ARID5B: variants seen among roughly 807,000 people sequenced by gnomAD.
ARID5B encodes the protein AT-rich interaction domain 5B.
A neutral mutation model predicts 97.2 loss-of-function variants in ARID5B; 13 were observed. That is an observed-to-expected ratio of 0.13 (90% CI 0.09 to 0.21). The LOEUF (loss-of-function observed/expected upper bound fraction) is 0.21, where lower values mean the gene tolerates loss of function less well. Among genes scored for constraint, ARID5B ranks in the 10% least tolerant of loss-of-function variants. The pLI, the probability that ARID5B is intolerant of heterozygous loss-of-function variation, is 1.00. For missense variants in ARID5B, 1,210 were observed against 1,465.3 expected (o/e 0.83, Z 2.84); for synonymous variants, 556 against 570.3 (o/e 0.97, Z 0.36).
chr10:62,089,779 C>T (rs749143947), intron 9 of ARID5B, among the ~76,000 whole-genome samples: 3 of 152,174 alleles, frequency 2.0e-5, no homozygotes, highest in African/African-American at 2.4e-5. Flanking sequence ...CTGCCTGCCT[C>T]GGCCTCCCTA....
chr10:61,942,024 G>A (rs1043198055), intron 3 of ARID5B, among the ~76,000 whole-genome samples: 5 of 152,110 alleles, frequency 3.3e-5, no homozygotes, highest in African/African-American at 4.8e-5. Context: ...AATTTTGTGT[G>A]TGTGTGTTAT....
chr10:61,984,296 A>G (rs1315239711), intron 3 of ARID5B, among the ~76,000 whole-genome samples: 5 of 152,232 alleles, frequency 3.3e-5, no homozygotes, highest in Non-Finnish European at 7.3e-5. Flanking sequence ...AGGTGCTGTC[A>G]TGTTCACCCA....
At chr10:61,940,497 T>C (rs1026932963) in intron 3 of ARID5B, 89 bp downstream of exon 3, 2 of 1,070,810 alleles carry the variant, frequency 1.9e-6, no homozygotes, top group Non-Finnish European at 2.7e-6. Flanking sequence ...CTATCATTTA[T>C]ATATAAATGT....
intron 3 of ARID5B, among the ~76,000 whole-genome samples, chr10:61,976,341 A>C (rs1480089564): frequency 2.0e-5 from 3 of 152,252 alleles, no homozygotes; most frequent in African/African-American, 7.2e-5. Flanking sequence ...ACTACATAAC[A>C]GAAGCTATTC....
intron 7 of ARID5B, among the ~76,000 whole-genome samples, chr10:62,064,592 T>C (rs1290534569): frequency 6.6e-6 from 1 of 151,872 alleles, no homozygotes; most frequent in Non-Finnish European, 1.5e-5. Flanking sequence ...ATTTTCCACT[T>C]TTTTTAAGTG....
intron 4 of ARID5B, among the ~76,000 whole-genome samples, chr10:62,043,553 T>TA (rs1385457400): frequency 6.6e-6 from 1 of 152,244 alleles, no homozygotes; most frequent in African/African-American, 2.4e-5. Flanking sequence ...GCTTGTGTTT[T>TA]AATGGCAAGA....
chr10:61,959,500 G>A (rs1245777942), intron 3 of ARID5B, among the ~76,000 whole-genome samples: 1 of 152,090 alleles, frequency 6.6e-6, no homozygotes, highest in Non-Finnish European at 1.5e-5. Context: ...TAAATGTTCT[G>A]CTGGGAAATA....
At chr10:61,989,224 C>T (rs1482774435) in intron 3 of ARID5B, among the ~76,000 whole-genome samples, 7 of 152,042 alleles carry the variant, frequency 4.6e-5, no homozygotes, top group Non-Finnish European at 5.9e-5. Flanking sequence ...CCACCGTGTG[C>T]GGCCAGTAAT....
At chr10:62,040,492 T>G (rs1839622871) in intron 4 of ARID5B, among the ~76,000 whole-genome samples, 1 of 152,186 alleles carries the variant, frequency 6.6e-6, no homozygotes. Flanking sequence ...TTAATCTTGT[T>G]CTGTCTGCTC....
At chr10:61,991,095 C>T (rs1270088697) in intron 3 of ARID5B, among the ~76,000 whole-genome samples, 1 of 146,668 alleles carries the variant, frequency 6.8e-6, no homozygotes, top group Admixed American at 6.8e-5. Context: ...ATCTGTTCAT[C>T]TATTGAGGAA....
intron 7 of ARID5B, among the ~76,000 whole-genome samples, chr10:62,065,380 C>G (rs1839973085): frequency 6.6e-6 from 1 of 152,152 alleles, no homozygotes; most frequent in Non-Finnish European, 1.5e-5. Context: ...CACACTCTAC[C>G]CTCCCTCCCT....
rs1008460214 is a variant in ARID5B, at chr10:62,092,179, A to G, written c.2716A>G (p.Thr906Ala). 3 of 1,609,880 alleles carry G rather than the reference A, an allele frequency of 1.9e-6. No homozygotes were observed. The highest frequency in any genetic ancestry group is 2.2e-5 in the South Asian group (2 of 90,360). Residue 906 changes from threonine to alanine, a missense_variant, in exon 10 of 10, where the codon ACA becomes GCA. Transcript: ENST00000279873. Reference sequence around the variant, plus strand: ...AGAAGCCCCTACGGATGATCAGCCTACAGATCTGAGCCTTCCCAAGAACCC... The same window carrying G: ...AGAAGCCCCTACGGATGATCAGCCTGCAGATCTGAGCCTTCCCAAGAACCC... ...AAEAPTDDQP[T>A]DLSLPKNPHK...
chr10:62,010,300 C>T (rs912427799), intron 4 of ARID5B, among the ~76,000 whole-genome samples: 1 of 152,174 alleles, frequency 6.6e-6, no homozygotes, highest in African/African-American at 2.4e-5. Flanking sequence ...TCATCTTTAA[C>T]ATTTTGCTTC....
At position 62,083,263 on chromosome 10, in the gene ARID5B, T is replaced by C. The variant is rs1252318302; in HGVS notation, c.1200-2439T>C. Reference sequence around the variant, plus strand: ...TTTTTACTGCTGTCAGCCAGCCAGCTGCTGAGTTGAGTGAAGGGGAGAAAA... The same window carrying C: ...TTTTTACTGCTGTCAGCCAGCCAGCCGCTGAGTTGAGTGAAGGGGAGAAAA... On this transcript the variant is annotated intron_variant, in intron 8 of 9. Transcript: ENST00000279873. 6.1e-5 allele frequency among the ~76,000 whole-genome samples: 8 copies of C among 132,100 alleles called. No individual in the cohort carries two copies. In the Admixed American group the frequency reaches 7.0e-4, roughly 12 times the overall value. 86.7% of individuals were successfully genotyped at this position (132,100 alleles called of 152,430 possible).
At chr10:62,002,991 T>G (rs1839100232) in intron 4 of ARID5B, among the ~76,000 whole-genome samples, 1 of 152,202 alleles carries the variant, frequency 6.6e-6, no homozygotes, top group South Asian at 2.1e-4. Flanking sequence ...TTTATAGCAT[T>G]TAGCAGCTAC....
At chr10:62,070,586 A>T (rs1252686937) in intron 8 of ARID5B, among the ~76,000 whole-genome samples, 2 of 152,178 alleles carry the variant, frequency 1.3e-5, no homozygotes, top group African/African-American at 4.8e-5. Flanking sequence ...ATCAATTCTT[A>T]GTCCTTTTTT....
chr10:62,015,117 CA>C (rs1477855770), intron 4 of ARID5B, among the ~76,000 whole-genome samples: 1 of 152,176 alleles, frequency 6.6e-6, no homozygotes, highest in African/African-American at 2.4e-5. Flanking sequence ...TACCATGTAT[CA>C]GGCACTGTTA....
intron 2 of ARID5B, among the ~76,000 whole-genome samples, chr10:61,926,172 G>T (rs1389377433): frequency 6.6e-6 from 1 of 152,100 alleles, no homozygotes; most frequent in African/African-American, 2.4e-5. Flanking sequence ...GCACATGAGT[G>T]GTGATTTCTG....
intron 8 of ARID5B, among the ~76,000 whole-genome samples, chr10:62,074,783 A>C (rs773117536): frequency 6.6e-6 from 1 of 152,192 alleles, no homozygotes; most frequent in African/African-American, 2.4e-5. Flanking sequence ...GACCAGTGCT[A>C]CTCAAATGAG....
Sources: gnomAD v4.1 joint callset for allele counts (sites outside exome capture counted in the v4.1 genomes callset) on GRCh38, gnomAD v4.1.1 for gene constraint, MANE v1.5 for transcripts, NCBI Gene and HGNC (gene_info 2026-07-23, HGNC 2026-07-21) for gene names.